Variants in PRKCD observed in about 807,000 individuals in gnomAD.
The protein encoded by PRKCD is protein kinase C delta.
Under a neutral mutation model 82.2 loss-of-function variants are expected in PRKCD, and 20 were observed. The observed-to-expected ratio is 0.24, with a 90% CI of 0.17 to 0.35. The LOEUF is 0.35. PRKCD is among the 10% of genes least tolerant of loss of function. PRKCD has a pLI of 1.00. For synonymous variants in PRKCD, 317 were observed against 337.0 expected, an observed-to-expected ratio of 0.94 and a Z score of 0.65; for missense variants, 607 against 899.0, an observed-to-expected ratio of 0.68 and a Z score of 4.15.
intron 9 of PRKCD, among the ~76,000 whole-genome samples, chr3:53,184,364 CAACAAA>C (rs1703589517): frequency 9.9e-6 from 1 of 101,174 alleles, no homozygotes; most frequent in Non-Finnish European, 2.3e-5. Flanking sequence ...ACAACAACAA[CAACAAA>C]AATCATGAAA....
chr3:53,164,235 G>A (rs553120485), intron 1 of PRKCD, among the ~76,000 whole-genome samples: 1 of 152,238 alleles, frequency 6.6e-6, no homozygotes, highest in African/African-American at 2.4e-5. Flanking sequence ...GCTGTGTAAT[G>A]GGCACAATAG....
In PRKCD at chr3:53,178,461, G is replaced by C. The variant is rs1394601491; in HGVS notation, c.39G>C (p.Glu13Asp). ...TGCGCATCGCCTTCAACTCCTATGAGCTGGGCTCCCTGCAGGCCGAGGACG... is the reference window on the plus strand; with the variant it reads ...TGCGCATCGCCTTCAACTCCTATGACCTGGGCTCCCTGCAGGCCGAGGACG... ...PFLRIAFNSY[E>D]LGSLQAEDEA... The change falls in exon 3 of 19, where the codon GAG (glutamate) becomes GAC (aspartate). Residue 13 changes from glutamate to aspartate, a missense_variant. Glu to Asp is a conservative substitution (Grantham distance 45). This residue lies in a region of PRKCD where 161 missense variants were observed against 227.0 expected (regional missense o/e 0.71). Coordinates refer to ENST00000330452, the MANE Select transcript of PRKCD (RefSeq NM_006254.4). The C allele has an allele frequency of 6.2e-7, 1 of 1,612,902 alleles. No homozygotes were observed. The highest frequency in any genetic ancestry group is 8.5e-7 in the Non-Finnish European group (1 of 1,179,890).
intron 2 of PRKCD, among the ~76,000 whole-genome samples, chr3:53,177,316 T>G (rs1256680970): frequency 2.0e-5 from 3 of 152,164 alleles, no homozygotes; most frequent in Middle Eastern, 3.2e-3. Context: ...AATAATTAGT[T>G]TGAAGGTGCA....
intron 17 of PRKCD, 109 bp downstream of exon 17, chr3:53,189,355 T>A: frequency 8.4e-7 from 1 of 1,196,312 alleles, no homozygotes; most frequent in Non-Finnish European, 1.1e-6. Flanking sequence ...GCAGCCTCAG[T>A]GGTGCTGCAG....
Position 53,185,679 on chromosome 3 carries a change from G to C in PRKCD, c.964G>C (p.Val322Leu). The change falls in exon 11 of 19, where the codon GTT becomes CTT. Residue 322 changes from valine to leucine, a missense_variant. Physicochemically the swap from Val to Leu is conservative, Grantham distance 32. Coordinates refer to ENST00000330452, the MANE Select transcript of PRKCD (RefSeq NM_006254.4). ...TCAGGGTTTCGAGAAGAAGACCGGA[G>C]TTGCTGGGGAGGACATGCAAGGTGA... ...IYQGFEKKTG[V>L]AGEDMQDNSG... 6.2e-7 allele frequency: 1 copy of C among 1,612,488 alleles called. No individual in the cohort carries two copies. Among genetic ancestry groups the C allele is most frequent in the South Asian group, 1.1e-5 (1 of 91,086 alleles).
Position 53,184,969 on chromosome 3 carries a change from A to T in PRKCD, c.883A>T (p.Thr295Ser). 1 of 1,613,908 alleles carries T rather than the reference A, an allele frequency of 6.2e-7. No homozygotes were observed. Among genetic ancestry groups the T allele is most frequent in the African/African-American group, 1.3e-5 (1 of 75,022 alleles). ...KLLAEALNQV[T>S]QRASRRSDSA... is the part of the protein sequence containing the mutation. The stretch of plus-strand genomic sequence containing the variant: ...TTTGGCTGAGGCCTTGAACCAAGTC[A>T]CCCAGGTGGGCAGGTGCCATGGGGA... The change falls in exon 10 of 19, where the codon ACC (threonine) becomes TCC (serine). Residue 295 changes from threonine (T) to serine (S), a missense_variant. By Grantham distance (58) the Thr-to-Ser change is moderately conservative (BLOSUM62 1). Transcript: ENST00000330452.
In PRKCD at chr3:53,183,223, G is replaced by C; in HGVS notation, c.657+17G>C. 1 of 1,612,900 alleles carries C rather than the reference G, an allele frequency of 6.2e-7. No individual in the cohort carries two copies. The highest frequency in any genetic ancestry group is 8.5e-7 in the Non-Finnish European group (1 of 1,179,224). On this transcript the variant is annotated intron_variant, in intron 8 of 18. Coordinates refer to ENST00000330452, the MANE Select transcript of PRKCD (RefSeq NM_006254.4). The stretch of plus-strand genomic sequence containing the variant: ...GACACTATAGTGAGCCTGGGTCCGG[G>C]GCAGGGCTGGGGATCTGGGGGGCTT...
At chr3:53,167,739 T>G (rs1233287928) in intron 2 of PRKCD, among the ~76,000 whole-genome samples, 1 of 152,238 alleles carries the variant, frequency 6.6e-6, no homozygotes, top group Admixed American at 6.5e-5. Flanking sequence ...GTGGGACTGA[T>G]GAGGGGGTAT....
intron 2 of PRKCD, among the ~76,000 whole-genome samples, chr3:53,166,864 G>A (rs1321267429): frequency 2.0e-5 from 3 of 152,274 alleles, no homozygotes; most frequent in African/African-American, 7.2e-5. Context: ...ATTGGCATGG[G>A]AGATGGGAGG....
Position 53,192,333 on chromosome 3 carries a change from C to T in PRKCD, c.*67C>T. ...CCTGCCCGCTCCCCACGATAAGCAC[C>T]AGTGGGACTGTGGTGACTTCTGCTG... On this transcript the variant is annotated 3_prime_UTR_variant, in exon 19 of 19. Coordinates refer to ENST00000330452, the MANE Select transcript of PRKCD (RefSeq NM_006254.4). 2.5e-6 allele frequency: 4 copies of T among 1,571,050 alleles called. No individual in the cohort carries two copies. Among genetic ancestry groups the T allele is most frequent in the Non-Finnish European group, 3.5e-6 (4 of 1,144,702 alleles).
At chr3:53,183,658 C>T in intron 9 of PRKCD, 77 bp downstream of exon 9, 1 of 1,568,378 alleles carries the variant, frequency 6.4e-7, no homozygotes, top group Non-Finnish European at 8.7e-7. Context: ...CCACCTCACG[C>T]CACCCTCGCC....
At chr3:53,181,289 A>G in intron 5 of PRKCD, 22 bp downstream of exon 5, 1 of 1,613,120 alleles carries the variant, frequency 6.2e-7, no homozygotes, top group Non-Finnish European at 8.5e-7. Flanking sequence ...CTGGGGGTGG[A>G]GGGCTCCCTT....
In PRKCD at chr3:53,186,384, T is replaced by A. The variant is rs782417820; in HGVS notation, c.1260+44T>A. ...GTCACCACCCCATGCCACAGCCATGTCCCACAGCTCCTCAGCCCCCCTCAG... is the reference window on the plus strand; with the variant it reads ...GTCACCACCCCATGCCACAGCCATGACCCACAGCTCCTCAGCCCCCCTCAG... On this transcript the variant is annotated intron_variant, in intron 13 of 18. Coordinates refer to ENST00000330452, the MANE Select transcript of PRKCD (RefSeq NM_006254.4). 39 of 1,608,126 alleles carry A rather than the reference T, an allele frequency of 2.4e-5. No individual in the cohort carries two copies. The South Asian group carries it at 4.0e-4, about 16-fold the overall frequency.
intron 7 of PRKCD, chr3:53,182,033 C>A (rs782204486): frequency 3.8e-5 from 22 of 583,908 alleles, no homozygotes; most frequent in Admixed American, 2.2e-4. Flanking sequence ...GGCCTCTTTT[C>A]CTCGGAGAGG....
chr3:53,182,025 C>T, intron 7 of PRKCD: 1 of 594,610 alleles, frequency 1.7e-6, no homozygotes, highest in African/African-American at 1.8e-5. Context: ...ATGCACCAGG[C>T]CTCTTTTCCT....
At chr3:53,181,067 C>T in intron 4 of PRKCD, 140 bp from the exon 5 acceptor site, 2 of 851,480 alleles carry the variant, frequency 2.3e-6, no homozygotes, top group Non-Finnish European at 3.6e-6. Context: ...CCTGCCCACA[C>T]TGGGCAGACA....
Position 53,192,039 on chromosome 3 carries a change from C to T in PRKCD, c.1873-69C>T, listed in dbSNP as rs1391613842. On this transcript the variant is annotated intron_variant, in intron 18 of 18. Transcript: ENST00000330452. ...CTGGCCTGGCCCAGCCCTGCAGGGA[C>T]TCCAGCCTGGGGTGTCTGGAGGGCC... is the stretch of plus-strand genomic sequence containing the variant. The T allele has an allele frequency of 6.4e-5, 100 of 1,552,352 alleles. 2 individuals are homozygous for T. In the East Asian group the frequency reaches 2.3e-3, roughly 35 times the overall value.
rs540806282 is a variant in PRKCD at position 53,170,291 on chromosome 3, T to G, written c.-20+5076T>G. On this transcript the variant is annotated intron_variant, in intron 2 of 18. Coordinates refer to ENST00000330452, the MANE Select transcript of PRKCD (RefSeq NM_006254.4). ...CTAGAGCTGGAAGTTCTCTCCCCACTTCCCCCTGGGTCTGCCCCATTGGCT... is the reference window on the plus strand; with the variant it reads ...CTAGAGCTGGAAGTTCTCTCCCCACGTCCCCCTGGGTCTGCCCCATTGGCT... Among the ~76,000 whole-genome samples, 35 of 152,356 alleles carry G rather than the reference T, an allele frequency of 2.3e-4. 1 individual carries two copies. Among genetic ancestry groups the G allele is most frequent in the Admixed American group, 1.6e-3 (25 of 15,308 alleles).
chr3:53,188,405 C>CAA (rs1559631340), intron 15 of PRKCD, among the ~76,000 whole-genome samples: 1 of 152,096 alleles, frequency 6.6e-6, no homozygotes, highest in Non-Finnish European at 1.5e-5. Context: ...GGGAAGTAGA[C>CAA]AAACCTGAAC....
Sources: gnomAD v4.1 joint callset for allele counts (sites outside exome capture counted in the v4.1 genomes callset) on GRCh38, gnomAD v4.1.1 for gene constraint, gnomAD v4.1.1 regional missense constraint, MANE v1.5 for transcripts, NCBI Gene and HGNC (gene_info 2026-07-23, HGNC 2026-07-21) for gene names.